Variants in ESRRG observed in about 807,000 individuals in gnomAD.
The protein encoded by ESRRG is estrogen-related receptor gamma.
A neutral mutation model predicts 44.0 loss-of-function variants in ESRRG; 13 were observed. That is an observed-to-expected ratio of 0.30 (90% CI 0.19 to 0.47). The LOEUF (loss-of-function observed/expected upper bound fraction) is 0.47. ESRRG is among the 20% of genes least tolerant of loss of function. ESRRG has a pLI of 1.00. For synonymous variants in ESRRG, 215 were observed against 214.6 expected (o/e 1.00, Z -0.02); for missense variants, 395 against 580.6 (o/e 0.68, Z 3.29).
intron 3 of ESRRG, among the ~76,000 whole-genome samples, chr1:216,572,651 T>G (rs1056164779): frequency 6.6e-6 from 1 of 151,944 alleles, no homozygotes; most frequent in African/African-American, 2.4e-5. Flanking sequence ...AAATCAAATA[T>G]CAAATTATGA....
chr1:217,028,123 A>T (rs2081499863), intron 1 of ESRRG, among the ~76,000 whole-genome samples: 1 of 151,692 alleles, frequency 6.6e-6, no homozygotes, highest in Non-Finnish European at 1.5e-5. Flanking sequence ...CCACCCCATC[A>T]CCTCCACAGT....
At position 216,655,822 on chromosome 1, in the gene ESRRG, T is replaced by C. The variant is rs545193106; in HGVS notation, c.473-4733A>G. Among the ~76,000 whole-genome samples the C allele has an allele frequency of 3.9e-5, 6 of 152,294 alleles. 1 individual carries two copies. The South Asian group carries it at 1.2e-3, about 32-fold the overall frequency. ...CCCTCCCATTGAGTTACTTAGTTCA[T>C]TGTTGTTGGCTATGATCACCCACCC... On this transcript the variant is annotated intron_variant, in intron 2 of 6. Coordinates refer to ENST00000408911, the MANE Select transcript of ESRRG (RefSeq NM_001438.4).
At chr1:216,974,808 T>A (rs1342172324) in intron 1 of ESRRG, among the ~76,000 whole-genome samples, 1 of 152,092 alleles carries the variant, frequency 6.6e-6, no homozygotes, top group Non-Finnish European at 1.5e-5. Flanking sequence ...CCCAGACTTT[T>A]CTCTCATTCT....
At chr1:216,555,187 C>T (rs1033991700) in intron 5 of ESRRG, among the ~76,000 whole-genome samples, 1 of 152,104 alleles carries the variant, frequency 6.6e-6, no homozygotes, top group Non-Finnish European at 1.5e-5. Context: ...GGCTGACATT[C>T]TTGGGGGAAA....
At chr1:216,792,706 T>C (rs1205276513) in intron 2 of ESRRG, among the ~76,000 whole-genome samples, 5 of 152,216 alleles carry the variant, frequency 3.3e-5, no homozygotes, top group African/African-American at 1.2e-4. Context: ...AGATTAGTAA[T>C]AATTTTGCAA....
At chr1:216,607,932 G>T (rs140743641) in intron 3 of ESRRG, among the ~76,000 whole-genome samples, 1 of 152,238 alleles carries the variant, frequency 6.6e-6, no homozygotes, top group East Asian at 1.9e-4. Context: ...ATTTCTCCTA[G>T]ATCACAATTT....
At chr1:216,764,928 G>C (rs1315375362) in intron 2 of ESRRG, among the ~76,000 whole-genome samples, 1 of 152,104 alleles carries the variant, frequency 6.6e-6, no homozygotes, top group Non-Finnish European at 1.5e-5. Context: ...GAACTTGGGA[G>C]AGGGAGAGTT....
chr1:217,051,752 G>C (rs1297058205), intron 1 of ESRRG, among the ~76,000 whole-genome samples: 1 of 152,094 alleles, frequency 6.6e-6, no homozygotes, highest in African/African-American at 2.4e-5. Flanking sequence ...GTCCTATTCT[G>C]CCCTCCCATC....
At chr1:216,596,160 C>G (rs954941472) in intron 3 of ESRRG, among the ~76,000 whole-genome samples, 6 of 152,186 alleles carry the variant, frequency 3.9e-5, no homozygotes, top group Non-Finnish European at 8.8e-5. Flanking sequence ...CCTAAATGCT[C>G]TAGGTAGCCG....
At chr1:216,753,832 G>C (rs993549674) in intron 2 of ESRRG, among the ~76,000 whole-genome samples, 1 of 152,014 alleles carries the variant, frequency 6.6e-6, no homozygotes, top group African/African-American at 2.4e-5. Context: ...TAACAGGAGG[G>C]AGGAGGTGGG....
chr1:216,958,234 C>A (rs1389757723), intron 1 of ESRRG, among the ~76,000 whole-genome samples: 1 of 152,130 alleles, frequency 6.6e-6, no homozygotes, highest in Non-Finnish European at 1.5e-5. Context: ...AAAGATGCTA[C>A]AAACACTGCA....
chr1:216,962,045 C>T (rs2069204087), intron 1 of ESRRG, among the ~76,000 whole-genome samples: 1 of 107,800 alleles, frequency 9.3e-6, no homozygotes. Flanking sequence ...ATAATTGTTA[C>T]AGCCATAAAG....
chr1:216,615,074 C>T (rs1347771313), intron 3 of ESRRG, among the ~76,000 whole-genome samples: 2 of 152,170 alleles, frequency 1.3e-5, no homozygotes, highest in Non-Finnish European at 2.9e-5. Context: ...TTTTTAACTA[C>T]TAGAATGGCA....
intron 1 of ESRRG, among the ~76,000 whole-genome samples, chr1:217,079,343 G>C (rs2091564352): frequency 1.3e-5 from 2 of 152,178 alleles, no homozygotes; most frequent in African/African-American, 4.8e-5. Flanking sequence ...CCAGAAATCA[G>C]AACTGACAGT....
upstream of ESRRG, among the ~76,000 whole-genome samples, chr1:217,089,805 G>A (rs909526286): frequency 3.9e-5 from 6 of 152,222 alleles, no homozygotes; most frequent in Admixed American, 2.0e-4. Context: ...GCTGCGAGGG[G>A]CAGAGGGGCG....
chr1:216,721,134 T>C (rs2086178005), intron 1 of ESRRG, among the ~76,000 whole-genome samples: 1 of 152,248 alleles, frequency 6.6e-6, no homozygotes, highest in Admixed American at 6.5e-5. Flanking sequence ...TGTTCTTTAA[T>C]GTGCTGGCAC....
At chr1:217,027,982 C>T (rs938153832) in intron 1 of ESRRG, among the ~76,000 whole-genome samples, 3 of 152,092 alleles carry the variant, frequency 2.0e-5, no homozygotes, top group African/African-American at 7.2e-5. Flanking sequence ...GAAAAGAGAA[C>T]AAACAACAAT....
At chr1:216,893,757 A>T (rs1355991851) in intron 2 of ESRRG, among the ~76,000 whole-genome samples, 1 of 152,056 alleles carries the variant, frequency 6.6e-6, no homozygotes, top group East Asian at 1.9e-4. Flanking sequence ...TTATTGGAAA[A>T]ACAATGTTGG....
rs539583556 is a variant in ESRRG at position 216,527,519 on chromosome 1, C to T, written c.863-8098G>A. On this transcript the variant is annotated intron_variant, in intron 5 of 6. Coordinates refer to ENST00000408911, the MANE Select transcript of ESRRG (RefSeq NM_001438.4). ...TGTTTGTTCCTTTTCCCTTTTCCTG[C>T]CATATTTCCTAAAAAATCTTCCTCT... Among the ~76,000 whole-genome samples the T allele has an allele frequency of 2.8e-5, 4 of 144,786 alleles. No individual in the cohort carries two copies. The South Asian group carries it at 8.7e-4, about 31-fold the overall frequency. The allele number at this position is 144,786 out of a possible 152,430, so 95.0% of individuals were successfully genotyped here.
Sources: allele counts gnomAD v4.1 joint callset (sites outside exome capture counted in the v4.1 genomes callset), GRCh38; gene constraint gnomAD v4.1.1; transcripts MANE v1.5; gene names NCBI Gene and HGNC (gene_info 2026-07-23, HGNC 2026-07-21).